Variants in SH2D1B observed in about 807,000 individuals in gnomAD.
SH2D1B encodes the protein SH2 domain containing 1B, also known as SH2 domain-containing protein 1B.
In SH2D1B, 11 loss-of-function variants were observed where a neutral mutation model predicts 16.3. The observed-to-expected ratio is 0.67, with a 90% CI of 0.42 to 1.11. SH2D1B has a LOEUF of 1.11. Among genes scored for constraint, SH2D1B ranks in the 50% most tolerant of loss-of-function variants. The pLI, the probability that SH2D1B is intolerant of heterozygous loss-of-function variation, is 0.00. For missense variants in SH2D1B, 123 were observed against 153.1 expected (o/e 0.80, Z 1.04); for synonymous variants, 55 against 56.1 (o/e 0.98, Z 0.09).
intron 2 of SH2D1B, among the ~76,000 whole-genome samples, chr1:162,399,528 A>G (rs1184948866): frequency 2.6e-5 from 4 of 152,216 alleles, no homozygotes; most frequent in African/African-American, 9.6e-5. Context: ...TCAGGGGTAC[A>G]TGTGCAGGAT....
intron 1 of SH2D1B, among the ~76,000 whole-genome samples, chr1:162,409,984 A>G (rs1442985802): frequency 1.3e-5 from 2 of 152,222 alleles, no homozygotes; most frequent in Non-Finnish European, 2.9e-5. Flanking sequence ...TTCTATTAGT[A>G]ATGACAATCA....
At chr1:162,405,721 A>T (rs351452) in intron 1 of SH2D1B, among the ~76,000 whole-genome samples, 45,120 of 152,122 alleles carry the variant, frequency 0.3, 6,911 homozygotes, top group Middle Eastern at 0.43. Context: ...CTTATAAAAA[A>T]CATTTAAAAA....
At chr1:162,404,811 G>A (rs919259044) in intron 1 of SH2D1B, among the ~76,000 whole-genome samples, 4 of 152,232 alleles carry the variant, frequency 2.6e-5, no homozygotes, top group African/African-American at 9.6e-5. Flanking sequence ...ATGTTGGTAA[G>A]GATGTAGAGC....
At chr1:162,402,710 GT>G in intron 2 of SH2D1B, 28 bp downstream of exon 2, 1 of 1,588,660 alleles carries the variant, frequency 6.3e-7, no homozygotes, top group Non-Finnish European at 8.6e-7. Context: ...CTTTTGTGTT[GT>G]TGTTGTTGTC....
rs1161450496 is a variant in SH2D1B at position 162,411,967 on chromosome 1, G to T, written c.50C>A (p.Thr17Asn). 1.2e-6 allele frequency: 2 copies of T among 1,614,136 alleles called. No homozygotes were observed. The highest frequency in any genetic ancestry group is 2.2e-5 in the East Asian group (1 of 44,872). ...HGRLTKQDCE[T>N]LLLKEGVDGN... is the part of the protein sequence containing the mutation. ...ATCCACCCCTTCCTTGAGCAGCAAG[G>T]TCTCACAGTCTTGCTTGGTCAGACG... The change falls in exon 1 of 4, where the codon ACC becomes AAC. Residue 17 changes from threonine to asparagine, a missense_variant. Physicochemically the swap from Thr to Asn is moderately conservative, Grantham distance 65. Coordinates refer to ENST00000367929, the MANE Select transcript of SH2D1B (RefSeq NM_053282.5).
chr1:162,406,331 T>C (rs915994520), intron 1 of SH2D1B, among the ~76,000 whole-genome samples: 1 of 152,224 alleles, frequency 6.6e-6, no homozygotes, highest in Non-Finnish European at 1.5e-5. Flanking sequence ...TAACCTAATG[T>C]ATGATATGTA....
intron 1 of SH2D1B, among the ~76,000 whole-genome samples, chr1:162,409,955 A>G (rs1323033249): frequency 4.6e-5 from 7 of 152,232 alleles, no homozygotes; most frequent in Admixed American, 3.9e-4. Context: ...ATTTAAAGAA[A>G]GAAATATGTC....
intron 3 of SH2D1B, among the ~76,000 whole-genome samples, chr1:162,397,978 G>A (rs963631417): frequency 3.9e-5 from 6 of 152,118 alleles, no homozygotes; most frequent in Non-Finnish European, 8.8e-5. Flanking sequence ...ATTTTTTTGT[G>A]TCCATGAGTA....
chr1:162,400,397 T>C (rs1648485523), intron 2 of SH2D1B, among the ~76,000 whole-genome samples: 1 of 148,494 alleles, frequency 6.7e-6, no homozygotes, highest in South Asian at 2.2e-4. Context: ...GTTCATGCCA[T>C]TCTCCTGCCT....
Position 162,399,133 on chromosome 1 carries a change from G to A in SH2D1B, c.199-46C>T, listed in dbSNP as rs896820985. On this transcript the variant is annotated intron_variant, in intron 2 of 3. Coordinates refer to ENST00000367929, the MANE Select transcript of SH2D1B (RefSeq NM_053282.5). ...AAATCACTCATTATCATGCAATTGC[G>A]TGTGAAATGTGACACTTCTCAAAGC... 8.4e-6 allele frequency: 13 copies of A among 1,549,456 alleles called. No individual in the cohort carries two copies. The East Asian group carries it at 1.1e-4, about 14-fold the overall frequency.
intron 1 of SH2D1B, among the ~76,000 whole-genome samples, chr1:162,408,415 T>C (rs1233519216): frequency 4.5e-5 from 3 of 66,514 alleles, no homozygotes; most frequent in African/African-American, 1.9e-4. Flanking sequence ...TTTTCTCTTC[T>C]TTTTTTTTTT....
At position 162,412,002 on chromosome 1, in the gene SH2D1B, G is replaced by T; in HGVS notation, c.15C>A (p.Tyr5Ter). The T allele has an allele frequency of 6.2e-7, 1 of 1,614,150 alleles. No individual in the cohort carries two copies. MDLP[Y>*]YHGRLTKQDC... is the part of the protein sequence containing the mutation. Reference sequence around the variant, plus strand: ...CTTGCTTGGTCAGACGTCCATGGTAGTAAGGCAGATCCATGGAGAACGCTC... The same window carrying T: ...CTTGCTTGGTCAGACGTCCATGGTATTAAGGCAGATCCATGGAGAACGCTC... The change falls in exon 1 of 4, where the codon TAC becomes TAA. Residue 5 changes from tyrosine to a stop codon, truncating the protein, a stop_gained. Transcript: ENST00000367929. LOFTEE classifies it high-confidence loss of function.
intron 1 of SH2D1B, among the ~76,000 whole-genome samples, chr1:162,406,160 G>A (rs995090961): frequency 2.0e-5 from 3 of 152,136 alleles, no homozygotes; most frequent in African/African-American, 7.2e-5. Flanking sequence ...GCAACCTTTT[G>A]TGGTACTAAT....
Position 162,397,134 on chromosome 1 carries a change from G to A in SH2D1B, c.*146C>T. On this transcript the variant is annotated 3_prime_UTR_variant, in exon 4 of 4. Transcript: ENST00000367929. The stretch of plus-strand genomic sequence containing the variant: ...ATGTGGAGAGTGACCTCTGGTGCTG[G>A]TGGGCAGAACATCTTCAGTTACACA... The A allele has an allele frequency of 1.2e-6, 1 of 801,490 alleles. No individual in the cohort carries two copies. 49.6% of individuals were successfully genotyped at this position (801,490 alleles called of 1,614,324 possible). A position where few individuals can be genotyped will look rare whatever the true frequency, so the allele number is the denominator to read the frequency against.
Position 162,405,622 on chromosome 1 carries a change from C to G in SH2D1B, c.135-2820G>C, listed in dbSNP as rs1222180731. 2.6e-5 allele frequency among the ~76,000 whole-genome samples: 4 copies of G among 152,270 alleles called. No individual in the cohort carries two copies. The South Asian group carries it at 8.3e-4, about 32-fold the overall frequency. The stretch of plus-strand genomic sequence containing the variant: ...TCTCAATAAATATGTGGTGTCTTGA[C>G]TCTCTGTGTGAGACTGATACCCAGT... On this transcript the variant is annotated intron_variant, in intron 1 of 3. Coordinates refer to ENST00000367929, the MANE Select transcript of SH2D1B (RefSeq NM_053282.5).
Position 162,397,146 on chromosome 1 carries a change from T to C in SH2D1B, c.*134A>G, listed in dbSNP as rs375401975. The C allele has an allele frequency of 2.2e-5, 20 of 922,834 alleles. No individual in the cohort carries two copies. In the East Asian group the frequency reaches 3.5e-4, roughly 16 times the overall value. The allele number at this position is 922,834 out of a possible 1,614,324, so 57.2% of individuals were successfully genotyped here. ...ACCTCTGGTGCTGGTGGGCAGAACATCTTCAGTTACACAACCAGGAGAGTC... is the reference window on the plus strand; with the variant it reads ...ACCTCTGGTGCTGGTGGGCAGAACACCTTCAGTTACACAACCAGGAGAGTC... On this transcript the variant is annotated 3_prime_UTR_variant, in exon 4 of 4. Transcript: ENST00000367929.
intron 2 of SH2D1B, chr1:162,402,505 G>A (rs1017087045): frequency 1.0e-5 from 4 of 384,866 alleles, no homozygotes; most frequent in East Asian, 4.3e-5. Context: ...ACGACAGAGC[G>A]AGACTCCGTC....
chr1:162,402,697 C>T, intron 2 of SH2D1B, 42 bp downstream of exon 2: 1 of 1,551,796 alleles, frequency 6.4e-7, no homozygotes, highest in South Asian at 1.1e-5. Context: ...TCTTCTCCCC[C>T]AACTTTTGTG....
At position 162,412,097 on chromosome 1, in the gene SH2D1B, T is replaced by G. The variant is rs1648811254; in HGVS notation, c.-81A>C. 1.3e-6 allele frequency: 2 copies of G among 1,569,784 alleles called. No individual in the cohort carries two copies. Among genetic ancestry groups the G allele is most frequent in the Admixed American group, 3.4e-5 (2 of 58,998 alleles). On this transcript the variant is annotated 5_prime_UTR_variant, in exon 1 of 4. Coordinates refer to ENST00000367929, the MANE Select transcript of SH2D1B (RefSeq NM_053282.5). ...CAAGGGACAGCTCTGAGGAGAGATG[T>G]GTAAGCAGCTGTACCTCCTGTGGAG...
Sources: gnomAD v4.1 joint callset for allele counts (sites outside exome capture counted in the v4.1 genomes callset) on GRCh38, gnomAD v4.1.1 for gene constraint, MANE v1.5 for transcripts, NCBI Gene and HGNC (gene_info 2026-07-23, HGNC 2026-07-21) for gene names.